The following VIL1 variants were observed in gnomAD, a reference collection of about 807,000 sequenced individuals.
VIL1 encodes the protein villin-1.
A neutral mutation model predicts 104.0 loss-of-function variants in VIL1; 86 were observed. The observed-to-expected ratio is 0.83, with a 90% CI of 0.69 to 0.99. The LOEUF (loss-of-function observed/expected upper bound fraction) is 0.99. Ranked by LOEUF, VIL1 falls within the 50% of genes least tolerant of loss-of-function variation. VIL1 has a pLI of 0.00. For missense variants in VIL1, 944 were observed against 1,054.1 expected, an observed-to-expected ratio of 0.90 and a Z score of 1.45; for synonymous variants, 394 against 412.6, an observed-to-expected ratio of 0.95 and a Z score of 0.55.
At chr2:218,428,689 GA>G (rs1451292848) in intron 6 of VIL1, among the ~76,000 whole-genome samples, 1 of 151,944 alleles carries the variant, frequency 6.6e-6, no homozygotes, top group Non-Finnish European at 1.5e-5. Context: ...TTTTTTTTTG[GA>G]AACACAGTTT....
chr2:218,437,848 C>A (rs1289323399), intron 17 of VIL1, among the ~76,000 whole-genome samples: 2 of 152,170 alleles, frequency 1.3e-5, no homozygotes, highest in African/African-American at 4.8e-5. Flanking sequence ...GTTTCCTAAA[C>A]TGGCCCCACA....
intron 19 of VIL1, among the ~76,000 whole-genome samples, chr2:218,443,512 T>C (rs1248376959): frequency 6.6e-6 from 1 of 151,916 alleles, no homozygotes; most frequent in East Asian, 1.9e-4. Flanking sequence ...GAGGTGTTTC[T>C]AAAGGAGGAC....
At chr2:218,435,197 C>T in intron 14 of VIL1, 92 bp from the exon 15 acceptor site, 3 of 1,540,992 alleles carry the variant, frequency 1.9e-6, no homozygotes, top group Admixed American at 1.8e-5. Context: ...CCAGGAGAGC[C>T]CTCTTTGACC....
chr2:218,443,271 T>C (rs1175070058), intron 19 of VIL1, among the ~76,000 whole-genome samples: 1 of 151,068 alleles, frequency 6.6e-6, no homozygotes, highest in Non-Finnish European at 1.5e-5. Flanking sequence ...CGATCTCGGC[T>C]CACTGCAACC....
At chr2:218,427,286 CCT>C (rs1451682783) in intron 4 of VIL1, among the ~76,000 whole-genome samples, 2 of 152,010 alleles carry the variant, frequency 1.3e-5, no homozygotes, top group Non-Finnish European at 2.9e-5. Flanking sequence ...ACTTTGATCC[CCT>C]GTCCTCAGGA....
At chr2:218,432,515 G>A (rs1433751178) in intron 12 of VIL1, 1 of 695,330 alleles carries the variant, frequency 1.4e-6, no homozygotes, top group Admixed American at 2.0e-5. Flanking sequence ...CCCTGAAGAA[G>A]GAGCAGAAAG....
Position 218,434,561 on chromosome 2 carries a change from G to A in VIL1, c.1536G>A (p.Gly512=). Reference sequence around the variant, plus strand: ...CCCGAACTAACAACTTGGAGACCGGGCCCTCCACACGGCTGTTCCAGGTCC... The same window carrying A: ...CCCGAACTAACAACTTGGAGACCGGACCCTCCACACGGCTGTTCCAGGTCC... ...GTSRTNNLET[G]PSTRLFQVQG... is the part of the protein sequence containing the mutation. The change falls in exon 14 of 20, where the codon GGG becomes GGA. Residue 512 remains glycine (G), a synonymous_variant. Coordinates refer to ENST00000248444, the MANE Select transcript of VIL1 (RefSeq NM_007127.3). 6.2e-7 allele frequency: 1 copy of A among 1,613,846 alleles called. No homozygotes were observed. Among genetic ancestry groups the A allele is most frequent in the Non-Finnish European group, 8.5e-7 (1 of 1,179,908 alleles).
chr2:218,435,255 G>A, intron 14 of VIL1, 34 bp from the exon 15 acceptor site: 1 of 1,604,610 alleles, frequency 6.2e-7, no homozygotes, highest in South Asian at 1.1e-5. Flanking sequence ...GGTAGGGGTG[G>A]CACTAGAAAT....
In VIL1 at chr2:218,440,751, C is replaced by T; in HGVS notation, c.2259C>T (p.Phe753=). 1 of 1,614,112 alleles carries T rather than the reference C, an allele frequency of 6.2e-7. No individual in the cohort carries two copies. The highest frequency in any genetic ancestry group is 8.5e-7 in the Non-Finnish European group (1 of 1,180,006). ...TCACAAGCCCCAAAGTGGACGTGTT[C>T]AATGCTAACAGCAACCTCAGTTCTG... ...AEVTSPKVDV[F]NANSNLSSGP... Residue 753 remains phenylalanine, a synonymous_variant, in exon 19 of 20, where the codon TTC becomes TTT. Transcript: ENST00000248444.
chr2:218,453,085 A>G lies in VIL1; in HGVS notation c.*3749A>G, dbSNP rs1305379571. ...GTAGATGGTAGGAGGCAAAGCATTT[A>G]TCAGTAGTTGAGCAAAACTGCTGAG... is the stretch of plus-strand genomic sequence containing the variant. On this transcript the variant is annotated 3_prime_UTR_variant, in exon 20 of 20. Coordinates refer to ENST00000248444, the MANE Select transcript of VIL1 (RefSeq NM_007127.3). 2 of 152,250 alleles carry G rather than the reference A, an allele frequency of 1.3e-5. No individual in the cohort carries two copies. Among genetic ancestry groups the G allele is most frequent in the Non-Finnish European group, 2.9e-5 (2 of 68,044 alleles). The allele number at this position is 152,250 out of a possible 1,614,324, so 9.4% of individuals were successfully genotyped here.
chr2:218,432,731 G>A (rs1689120846), intron 12 of VIL1, 62 bp from the exon 13 acceptor site: 1 of 1,599,530 alleles, frequency 6.3e-7, no homozygotes, highest in African/African-American at 1.3e-5. Context: ...TGCTGAGGCT[G>A]AGGATGGGGT....
At chr2:218,442,175 A>AT (rs1689295255) in intron 19 of VIL1, among the ~76,000 whole-genome samples, 1 of 152,128 alleles carries the variant, frequency 6.6e-6, no homozygotes, top group South Asian at 2.1e-4. Flanking sequence ...AAAATCAATG[A>AT]TATTTGGTAA....
At chr2:218,420,528 A>G (rs560674968) in intron 1 of VIL1, among the ~76,000 whole-genome samples, 14 of 149,846 alleles carry the variant, frequency 9.3e-5, no homozygotes, top group African/African-American at 3.4e-4. Context: ...GTGCCCTGGG[A>G]GGGTCCTCCT....
At chr2:218,440,637 G>A (rs1228052711) in intron 18 of VIL1, 85 bp from the exon 19 acceptor site, 5 of 1,557,744 alleles carry the variant, frequency 3.2e-6, no homozygotes, top group East Asian at 2.3e-5. Flanking sequence ...TGAAGGTGGT[G>A]CCCTAGAGAC....
rs140225564 is a variant in VIL1 at position 218,430,081 on chromosome 2, G to A, written c.948+134G>A. 6.7e-4 allele frequency: 541 copies of A among 805,972 alleles called. 5 individuals carry two copies. Among genetic ancestry groups the A allele is most frequent in the Middle Eastern group, 5.1e-3 (15 of 2,952 alleles). 49.9% of individuals were successfully genotyped at this position (805,972 alleles called of 1,614,324 possible). On this transcript the variant is annotated intron_variant, in intron 9 of 19. Coordinates refer to ENST00000248444, the MANE Select transcript of VIL1 (RefSeq NM_007127.3). The stretch of plus-strand genomic sequence containing the variant: ...AGGCAGAGGCAGGGAAGGCTGGGAG[G>A]AGCAGGATGAGGGCTGGGCCCGGCC...
intron 10 of VIL1, among the ~76,000 whole-genome samples, chr2:218,431,526 A>G (rs1224998090): frequency 6.6e-6 from 1 of 152,156 alleles, no homozygotes; most frequent in Non-Finnish European, 1.5e-5. Flanking sequence ...ACAGCCCCCA[A>G]CATTGCACAG....
In VIL1 at chr2:218,429,965, G is replaced by T; in HGVS notation, c.948+18G>T. 7.1e-7 allele frequency: 1 copy of T among 1,409,628 alleles called. No individual in the cohort carries two copies. The highest frequency in any genetic ancestry group is 1.0e-6 in the Non-Finnish European group (1 of 995,152). The allele number at this position is 1,409,628 out of a possible 1,614,324, so 87.3% of individuals were successfully genotyped here. A position where few individuals can be genotyped will look rare whatever the true frequency, so the allele number is the denominator to read the frequency against. ...ATGCGCTGGTAGTGGTGGGGGCGGG[G>T]GAGGGTCCAGGAGGAGGGCAGAGTG... On this transcript the variant is annotated intron_variant, in intron 9 of 19. Coordinates refer to ENST00000248444, the MANE Select transcript of VIL1 (RefSeq NM_007127.3).
chr2:218,420,454 A>AAAAAAG (rs1688883167), intron 1 of VIL1, among the ~76,000 whole-genome samples: 1 of 140,624 alleles, frequency 7.1e-6, no homozygotes, highest in African/African-American at 3.1e-5. Flanking sequence ...AAAAGAAAAG[A>AAAAAAG]AAAAAAGAAA....
At chr2:218,448,662 A>G (rs1689409182) in intron 19 of VIL1, among the ~76,000 whole-genome samples, 1 of 152,110 alleles carries the variant, frequency 6.6e-6, no homozygotes, top group South Asian at 2.1e-4. Flanking sequence ...TGACCCTTGT[A>G]CAAAGAAAAT....
Sources: allele counts gnomAD v4.1 joint callset (sites outside exome capture counted in the v4.1 genomes callset), GRCh38; gene constraint gnomAD v4.1.1; transcripts MANE v1.5; gene names NCBI Gene and HGNC (gene_info 2026-07-23, HGNC 2026-07-21).